The following GRID2 variants were observed in gnomAD, a reference collection of about 807,000 sequenced individuals.
GRID2 encodes glutamate receptor ionotropic, delta-2.
A neutral mutation model predicts 114.8 loss-of-function variants in GRID2; 33 were observed. The ratio of observed to expected loss-of-function variants is 0.29; its 90% CI spans 0.22 to 0.38. The LOEUF (loss-of-function observed/expected upper bound fraction) is 0.38. Among genes scored for constraint, GRID2 ranks in the 10% least tolerant of loss-of-function variants. The pLI is 1.00. For synonymous variants in GRID2, 505 were observed against 449.9 expected, an observed-to-expected ratio of 1.12 and a Z score of -1.55; for missense variants, 1,184 against 1,257.7, an observed-to-expected ratio of 0.94 and a Z score of 0.89.
chr4:92,885,671 T>C (rs952738504), intron 2 of GRID2, among the ~76,000 whole-genome samples: 1 of 152,236 alleles, frequency 6.6e-6, no homozygotes, highest in African/African-American at 2.4e-5. Flanking sequence ...AAGATGACTC[T>C]CAGAAATTAC....
At chr4:93,021,826 TAATA>T (rs1163591520) in intron 2 of GRID2, among the ~76,000 whole-genome samples, 20 of 146,860 alleles carry the variant, frequency 1.4e-4, no homozygotes, top group Non-Finnish European at 2.0e-4. Flanking sequence ...TATACTTATA[TAATA>T]AATATTATTT....
Position 93,274,799 on chromosome 4 carries a change from G to A in GRID2, c.1245+36309G>A, listed in dbSNP as rs540012257. ...TTAGCTTTTCAGAAAAAGACATCAT[G>A]TACGTGTCACAAAGTCTAGTCTCTG... On this transcript the variant is annotated intron_variant, in intron 8 of 15. Coordinates refer to ENST00000282020, the MANE Select transcript of GRID2 (RefSeq NM_001510.4). Among the ~76,000 whole-genome samples the A allele has an allele frequency of 2.0e-5, 3 of 152,134 alleles. No individual in the cohort carries two copies. The East Asian group carries it at 5.8e-4, about 29-fold the overall frequency.
intron 10 of GRID2, among the ~76,000 whole-genome samples, chr4:93,455,414 T>A (rs1420565489): frequency 6.6e-6 from 1 of 152,196 alleles, no homozygotes; most frequent in Non-Finnish European, 1.5e-5. Context: ...TATTCTTCAC[T>A]GATTTTACAT....
intron 1 of GRID2, among the ~76,000 whole-genome samples, chr4:92,411,633 G>GTC (rs1029676916): frequency 4.9e-4 from 45 of 91,162 alleles, no homozygotes; most frequent in African/African-American, 2.0e-3. Context: ...GCATGTGTGT[G>GTC]TGTGTGTGTG....
chr4:92,368,219 T>C (rs1015637691), intron 1 of GRID2, among the ~76,000 whole-genome samples: 2 of 151,956 alleles, frequency 1.3e-5, no homozygotes, highest in African/African-American at 4.8e-5. Context: ...AATAGTCTCT[T>C]TTAAGAGGCT....
chr4:92,548,896 C>G (rs1726427485), intron 1 of GRID2, among the ~76,000 whole-genome samples: 1 of 151,976 alleles, frequency 6.6e-6, no homozygotes, highest in South Asian at 2.1e-4. Context: ...CACTTTTAAA[C>G]ACCCAGATTT....
intron 2 of GRID2, among the ~76,000 whole-genome samples, chr4:92,923,996 A>T (rs905328965): frequency 1.2e-4 from 18 of 152,142 alleles, no homozygotes; most frequent in African/African-American, 3.6e-4. Context: ...CTTGGAACCA[A>T]CCCATATGTC....
At chr4:92,728,433 T>C (rs187551563) in intron 2 of GRID2, among the ~76,000 whole-genome samples, 1 of 152,188 alleles carries the variant, frequency 6.6e-6, no homozygotes, top group Admixed American at 6.6e-5. Context: ...GGAGATCTAC[T>C]TGTAAGCTCG....
intron 2 of GRID2, among the ~76,000 whole-genome samples, chr4:92,723,499 C>G (rs1164828745): frequency 1.3e-5 from 2 of 152,094 alleles, no homozygotes; most frequent in African/African-American, 2.4e-5. Flanking sequence ...ATCTATCTTG[C>G]CTACAGCTCA....
chr4:92,746,307 T>G (rs186100931), intron 2 of GRID2, among the ~76,000 whole-genome samples: 1 of 152,148 alleles, frequency 6.6e-6, no homozygotes, highest in Non-Finnish European at 1.5e-5. Context: ...ACATAGCATA[T>G]AACTTTTAAA....
At chr4:93,784,707 A>G (rs1016202169) in intron 1 of GRID2, among the ~76,000 whole-genome samples, 2 of 151,550 alleles carry the variant, frequency 1.3e-5, no homozygotes, top group Non-Finnish European at 2.9e-5. Context: ...GACATGCAAG[A>G]CTCTCAAAGC....
chr4:93,672,868 T>C (rs936492315), intron 14 of GRID2, among the ~76,000 whole-genome samples: 7 of 152,228 alleles, frequency 4.6e-5, no homozygotes, highest in African/African-American at 1.7e-4. Context: ...TTTCCTTTGG[T>C]ATCCAAAGAT....
intron 9 of GRID2, among the ~76,000 whole-genome samples, chr4:93,421,762 T>C (rs1351697580): frequency 6.6e-6 from 1 of 151,608 alleles, no homozygotes; most frequent in Non-Finnish European, 1.5e-5. Context: ...AGTGATTTTA[T>C]AAGCTACTTA....
intron 10 of GRID2, among the ~76,000 whole-genome samples, chr4:93,424,867 A>T (rs1483274284): frequency 6.6e-6 from 1 of 151,582 alleles, no homozygotes. Context: ...AGATATTTTT[A>T]CTCCCTGACC....
intron 13 of GRID2, among the ~76,000 whole-genome samples, chr4:93,571,928 A>G (rs981555390): frequency 6.6e-6 from 1 of 152,124 alleles, no homozygotes; most frequent in Non-Finnish European, 1.5e-5. Flanking sequence ...GGAAAAAAGG[A>G]TAGTGGATGG....
At chr4:92,922,393 G>A (rs180894429) in intron 2 of GRID2, among the ~76,000 whole-genome samples, 676 of 152,172 alleles carry the variant, frequency 4.4e-3, no homozygotes, top group Non-Finnish European at 7.7e-3. Context: ...GATGAACCCA[G>A]TACCTCAGTT....
At chr4:92,598,739 G>A (rs1174548489) in intron 2 of GRID2, among the ~76,000 whole-genome samples, 10 of 151,956 alleles carry the variant, frequency 6.6e-5, no homozygotes, top group African/African-American at 2.2e-4. Flanking sequence ...TGATTATATG[G>A]GATTGTAAAT....
At chr4:93,076,038 G>A (rs2149311229) in intron 2 of GRID2, among the ~76,000 whole-genome samples, 1 of 151,458 alleles carries the variant, frequency 6.6e-6, no homozygotes, top group South Asian at 2.1e-4. Context: ...CAAGTAGCTG[G>A]GACTACAGGC....
At chr4:93,702,934 A>G (rs928521485) in intron 14 of GRID2, among the ~76,000 whole-genome samples, 2 of 152,134 alleles carry the variant, frequency 1.3e-5, no homozygotes, top group African/African-American at 2.4e-5. Flanking sequence ...AAAGAGTGCT[A>G]GAATAGGAGA....
Sources: allele counts gnomAD v4.1 joint callset (sites outside exome capture counted in the v4.1 genomes callset), GRCh38; gene constraint gnomAD v4.1.1; transcripts MANE v1.5; gene names NCBI Gene and HGNC (gene_info 2026-07-23, HGNC 2026-07-21).